The following TJAP1 variants were observed in gnomAD, a reference collection of about 807,000 sequenced individuals.
The protein encoded by TJAP1 is tight junction associated protein 1.
Under a neutral mutation model 42.0 loss-of-function variants are expected in TJAP1, and 27 were observed. The observed-to-expected ratio is 0.64, with a 90% CI of 0.47 to 0.89. TJAP1 has a LOEUF of 0.89. TJAP1 is among the 40% of genes least tolerant of loss of function. TJAP1 has a pLI of 0.00. For missense variants in TJAP1, 712 were observed against 726.9 expected (o/e 0.98, Z 0.24); for synonymous variants, 257 against 288.4 (o/e 0.89, Z 1.10).
chr6:43,501,470 G>A, intron 5 of TJAP1, 56 bp from the exon 6 acceptor site: 1 of 1,525,130 alleles, frequency 6.6e-7, no homozygotes, highest in East Asian at 2.3e-5. Flanking sequence ...GAGCTCCAGG[G>A]CATGCCCTTC....
intron 3 of TJAP1, 57 bp from the exon 4 acceptor site, chr6:43,498,921 A>T: frequency 1.9e-6 from 3 of 1,560,502 alleles, no homozygotes; most frequent in Admixed American, 3.7e-5. Context: ...GTTTTTTCTC[A>T]GTCCAGAGTC....
intron 3 of TJAP1, among the ~76,000 whole-genome samples, chr6:43,498,732 C>G (rs111657618): frequency 6.6e-6 from 1 of 152,100 alleles, no homozygotes; most frequent in African/African-American, 2.4e-5. Flanking sequence ...GTGTTCAGGC[C>G]CTAGGCCCTG....
intron 2 of TJAP1, among the ~76,000 whole-genome samples, chr6:43,481,260 G>T (rs1016245730): frequency 9.2e-5 from 14 of 152,142 alleles, no homozygotes; most frequent in African/African-American, 9.6e-5. Flanking sequence ...CTGTCTTCAT[G>T]ATTCAACTTG....
chr6:43,488,046 T>C (rs1230786341), intron 2 of TJAP1, among the ~76,000 whole-genome samples: 11 of 152,296 alleles, frequency 7.2e-5, no homozygotes, highest in Non-Finnish European at 1.5e-5. Flanking sequence ...ATTTTTTGTA[T>C]TTTTAGTAGA....
chr6:43,482,100 T>G (rs895833867), intron 2 of TJAP1, among the ~76,000 whole-genome samples: 2 of 152,154 alleles, frequency 1.3e-5, no homozygotes, highest in African/African-American at 2.4e-5. Context: ...TATCTTAGGA[T>G]AGTGTATTTT....
At chr6:43,502,076 A>ACT (rs529451483) in intron 6 of TJAP1, among the ~76,000 whole-genome samples, 11,138 of 68,824 alleles carry the variant, frequency 0.16, 2,630 homozygotes, top group East Asian at 0.43. Flanking sequence ...ACACACACAC[A>ACT]CTCTCTCTCT....
chr6:43,506,514 T>C (rs1381499641), exon 11 of TJAP1: 3 of 152,720 alleles, frequency 2.0e-5, no homozygotes, highest in Non-Finnish European at 4.4e-5. Flanking sequence ...ATTTTCACAT[T>C]GATGACTATT....
In TJAP1 at chr6:43,480,702, A is replaced by G. The variant is rs537037149; in HGVS notation, c.-122+2470A>G. 1.2e-3 allele frequency among the ~76,000 whole-genome samples: 184 copies of G among 152,202 alleles called. 1 individual carries two copies. Among genetic ancestry groups the G allele is most frequent in the African/African-American group, 4.2e-3 (175 of 41,520 alleles). ...GCTAATTTTTGTATTTTTAGTAGAA[A>G]CGGGGGTTTCACCGCATTGGTCATG... On this transcript the variant is annotated intron_variant, in intron 2 of 10. Coordinates refer to ENST00000372449, the Ensembl canonical transcript of TJAP1.
rs77244184 is a variant in TJAP1, at chr6:43,505,756, C to T, written c.1575C>T (p.Ser525=). ...GCAGGGCCTGGCCACTCCCCAGCTC[C>T]AGTCGCCCCCAGCGCAGCCCCAAGA... The change falls in exon 11 of 11, where the codon TCC becomes TCT. Residue 525 remains serine, a synonymous_variant. Coordinates refer to ENST00000372449, the Ensembl canonical transcript of TJAP1. This position sits in a 1 kb window ranked among gnomAD's most constrained non-coding sequence, Gnocchi z 5.5. 2.0e-3 allele frequency: 3,002 copies of T among 1,521,916 alleles called. 62 individuals are homozygous for T. The African/African-American group carries it at 0.038, about 19-fold the overall frequency. The allele number at this position is 1,521,916 out of a possible 1,614,324, so 94.3% of individuals were successfully genotyped here.
In TJAP1 at chr6:43,484,001, A is replaced by ATTT. The variant is rs1166329807; in HGVS notation, c.-122+5769_-122+5770insTTT. Among the ~76,000 whole-genome samples, 8 of 152,026 alleles carry ATTT rather than the reference A, an allele frequency of 5.3e-5. No homozygotes were observed. In the East Asian group the frequency reaches 1.5e-3, roughly 29 times the overall value. On this transcript the variant is annotated intron_variant, in intron 2 of 10. Transcript: ENST00000372449. ...AGGATAACTTGAACCCAGGAGTTTG[A>ATTT]GGCTGCAGTGAGCTATGATTGCACC... is the stretch of plus-strand genomic sequence containing the variant.
intron 2 of TJAP1, among the ~76,000 whole-genome samples, chr6:43,496,426 C>T (rs949890620): frequency 4.6e-5 from 7 of 152,180 alleles, no homozygotes; most frequent in South Asian, 2.1e-4. Flanking sequence ...CTTTCAGGCC[C>T]GCCCACCCGG....
At chr6:43,478,337 CT>C (rs1251289302) in intron 2 of TJAP1, 105 bp downstream of exon 2, 2 of 152,204 alleles carry the variant, frequency 1.3e-5, no homozygotes, top group African/African-American at 4.8e-5. Flanking sequence ...AAAGGGCTCA[CT>C]TTTATAGAGT....
chr6:43,489,590 CAG>C (rs1486265322), intron 2 of TJAP1: 5 of 152,520 alleles, frequency 3.3e-5, no homozygotes, highest in African/African-American at 1.2e-4. Context: ...GCCTAGCTTT[CAG>C]AGTCCTGGTG....
At position 43,505,289 on chromosome 6, in the gene TJAP1, G is replaced by A; in HGVS notation, c.1108G>A (p.Ala370Thr). The change falls in exon 11 of 11, where the codon GCC (alanine) becomes ACC (threonine). Residue 370 changes from alanine (A) to threonine (T), a missense_variant. By Grantham distance (58) the Ala-to-Thr change is moderately conservative. Coordinates refer to ENST00000372449, the Ensembl canonical transcript of TJAP1. The surrounding 1 kb of genome is among the most constrained non-coding windows in gnomAD (Gnocchi z 5.5). ...CCTGGTAGAGGAGGGGAGTGAGCGG[G>A]CCCGCCCCAGCCCAGTGCCCAGCAC... 6.2e-7 allele frequency: 1 copy of A among 1,611,806 alleles called. No homozygotes were observed. The highest frequency in any genetic ancestry group is 8.5e-7 in the Non-Finnish European group (1 of 1,179,696).
chr6:43,499,487 G>A (rs1029419966), intron 4 of TJAP1, among the ~76,000 whole-genome samples: 8 of 152,246 alleles, frequency 5.3e-5, no homozygotes, highest in African/African-American at 1.9e-4. Context: ...AGGAGGCAGT[G>A]CTACAGCCAC....
chr6:43,504,981 G>A (rs1420368631), exon 11 of TJAP1: 15 of 1,613,996 alleles, frequency 9.3e-6, no homozygotes, highest in Non-Finnish European at 1.3e-5. Context: ...GTGGACATGA[G>A]TGAGGGTGTC....
In TJAP1 at chr6:43,491,719, T is replaced by G. The variant is rs1787873574; in HGVS notation, c.-121-6162T>G. Among the ~76,000 whole-genome samples, 1 of 152,272 alleles carries G rather than the reference T, an allele frequency of 6.6e-6. No individual in the cohort carries two copies. The highest frequency in any genetic ancestry group is 1.5e-5 in the Non-Finnish European group (1 of 68,048). ...AATTTTATTATATGATTAATAATAG[T>G]GAATGTATGATAGTTGATTAAGGAA... is the stretch of plus-strand genomic sequence containing the variant. On this transcript the variant is annotated intron_variant, in intron 2 of 10. Coordinates refer to ENST00000372449, the Ensembl canonical transcript of TJAP1. This position sits in a 1 kb window ranked among gnomAD's most constrained non-coding sequence, Gnocchi z 4.6.
At chr6:43,503,897 C>G (rs1791587273) in intron 10 of TJAP1, 191 bp downstream of exon 10, 1 of 715,900 alleles carries the variant, frequency 1.4e-6, no homozygotes, top group Admixed American at 2.0e-5. Context: ...GGGCCCATCA[C>G]TAGTTCTGGG....
Position 43,505,849 on chromosome 6 carries a change from C to T in TJAP1, c.1668C>T (p.Leu556=), listed in dbSNP as rs1292314020. 4.8e-6 allele frequency: 7 copies of T among 1,466,076 alleles called. No individual in the cohort carries two copies. The East Asian group carries it at 1.4e-4, about 30-fold the overall frequency. 90.8% of individuals were successfully genotyped at this position (1,466,076 alleles called of 1,614,324 possible). A position where few individuals can be genotyped will look rare whatever the true frequency, so the allele number is the denominator to read the frequency against. The change falls in exon 11 of 11, where the codon CTC becomes CTT. Residue 556 remains leucine (L), a synonymous_variant. Transcript: ENST00000372449. This position sits in a 1 kb window ranked among gnomAD's most constrained non-coding sequence, Gnocchi z 5.5. ...AGGCCCAGGAGCAGGGCAACCTGCT[C>T]AACTAGGGCCCCTGCTGGCCTTCCT... is the stretch of plus-strand genomic sequence containing the variant.
Sources: allele counts gnomAD v4.1 joint callset (sites outside exome capture counted in the v4.1 genomes callset), GRCh38; gene constraint gnomAD v4.1.1; non-coding constraint Gnocchi (gnomAD v3.1); transcripts MANE v1.5; gene names NCBI Gene and HGNC (gene_info 2026-07-23, HGNC 2026-07-21).